APBB1IP: variants seen among roughly 807,000 people sequenced by gnomAD.
The protein encoded by APBB1IP is amyloid beta precursor protein binding family B member 1 interacting protein.
Under a neutral mutation model 64.9 loss-of-function variants are expected in APBB1IP, and 27 were observed. The observed-to-expected ratio is 0.42, with a 90% CI of 0.31 to 0.57. The LOEUF (loss-of-function observed/expected upper bound fraction) is 0.57. Among genes scored for constraint, APBB1IP ranks in the 20% least tolerant of loss-of-function variants. The pLI, the probability that APBB1IP is intolerant of heterozygous loss-of-function variation, is 0.20. For synonymous variants in APBB1IP, 392 were observed against 331.0 expected (o/e 1.18, Z -2.00); for missense variants, 812 against 845.5 (o/e 0.96, Z 0.49).
At chr10:26,545,423 G>C (rs1190644818) in intron 11 of APBB1IP, among the ~76,000 whole-genome samples, 1 of 152,158 alleles carries the variant, frequency 6.6e-6, no homozygotes, top group East Asian at 1.9e-4. Flanking sequence ...TCAGAAGTTT[G>C]AGACCACCCT....
In APBB1IP at chr10:26,506,995, C is replaced by G. The variant is rs766867082; in HGVS notation, c.531+3721C>G. Among the ~76,000 whole-genome samples, 3 of 152,054 alleles carry G rather than the reference C, an allele frequency of 2.0e-5. No individual in the cohort carries two copies. The South Asian group carries it at 6.2e-4, about 32-fold the overall frequency. On this transcript the variant is annotated intron_variant, in intron 6 of 14. Coordinates refer to ENST00000376236, the MANE Select transcript of APBB1IP (RefSeq NM_019043.4). Reference sequence around the variant, plus strand: ...GTGTGGTGCTGGGGGGCATTCCCGGCAGAGGGAACAGAGAGAGAAATATGC... The same window carrying G: ...GTGTGGTGCTGGGGGGCATTCCCGGGAGAGGGAACAGAGAGAGAAATATGC...
At chr10:26,455,441 T>C (rs1443462060) in intron 2 of APBB1IP, among the ~76,000 whole-genome samples, 2 of 151,748 alleles carry the variant, frequency 1.3e-5, no homozygotes, top group African/African-American at 4.8e-5. Context: ...GGCAGGAGAA[T>C]TGCTTGAACC....
chr10:26,461,277 A>G (rs899305531), intron 2 of APBB1IP, among the ~76,000 whole-genome samples: 6 of 152,204 alleles, frequency 3.9e-5, no homozygotes, highest in African/African-American at 1.2e-4. Flanking sequence ...TCATAATTCA[A>G]CAAGAATTTC....
intron 2 of APBB1IP, among the ~76,000 whole-genome samples, chr10:26,468,247 G>A (rs1164147491): frequency 1.3e-5 from 2 of 152,020 alleles, no homozygotes; most frequent in Non-Finnish European, 2.9e-5. Context: ...CTCTTCTTTG[G>A]CTCCTTATTA....
At chr10:26,464,550 G>A (rs1835627617) in intron 2 of APBB1IP, among the ~76,000 whole-genome samples, 2 of 152,094 alleles carry the variant, frequency 1.3e-5, no homozygotes, top group South Asian at 2.1e-4. Context: ...ACAGGAACAC[G>A]ATACCATGCC....
chr10:26,524,781 A>G (rs1358654929), intron 8 of APBB1IP, among the ~76,000 whole-genome samples: 1 of 152,024 alleles, frequency 6.6e-6, no homozygotes, highest in African/African-American at 2.4e-5. Context: ...CTTATGTGAT[A>G]CTATAACAGA....
At chr10:26,565,928 T>C (rs900223767) in intron 14 of APBB1IP, among the ~76,000 whole-genome samples, 2 of 152,122 alleles carry the variant, frequency 1.3e-5, no homozygotes, top group African/African-American at 4.8e-5. Context: ...AATGGTCATA[T>C]AAATCTTTAA....
chr10:26,499,971 G>A (rs1438903552), intron 4 of APBB1IP, among the ~76,000 whole-genome samples: 3 of 152,132 alleles, frequency 2.0e-5, no homozygotes, highest in African/African-American at 7.2e-5. Flanking sequence ...AGCACTTTGG[G>A]AGGCTGAGGT....
chr10:26,529,988 G>A lies in APBB1IP; in HGVS notation c.814-3451G>A, dbSNP rs138114503. Among the ~76,000 whole-genome samples the A allele has an allele frequency of 4.0e-3, 610 of 152,182 alleles. 3 individuals are homozygous for A. Among genetic ancestry groups the A allele is most frequent in the African/African-American group, 0.014 (590 of 41,532 alleles). On this transcript the variant is annotated intron_variant, in intron 8 of 14. Coordinates refer to ENST00000376236, the MANE Select transcript of APBB1IP (RefSeq NM_019043.4). ...TGTTCATGCTTCCAGTTCATCATAC[G>A]TGATTCAAATATCTGGCCTTCCTAA...
chr10:26,472,626 G>A (rs991922686), intron 2 of APBB1IP, among the ~76,000 whole-genome samples: 1 of 151,760 alleles, frequency 6.6e-6, no homozygotes. Context: ...CATGAGAGAT[G>A]ATGCATTAAA....
In APBB1IP at chr10:26,567,171, C is replaced by T. The variant is rs1177941423; in HGVS notation, c.1684C>T (p.Pro562Ser). ...DFLPPPPPPPPLDDPELPPPP... is the reference protein window; with the variant it reads ...DFLPPPPPPPSLDDPELPPPP... The stretch of plus-strand genomic sequence containing the variant: ...CCTGCCGCCGCCGCCACCGCCGCCG[C>T]CCCTCGATGACCCTGAGCTCCCGCC... The change falls in exon 15 of 15, where the codon CCC (proline) becomes TCC (serine). Residue 562 changes from proline to serine, a missense_variant. By Grantham distance (74) the Pro-to-Ser change is moderately conservative. Coordinates refer to ENST00000376236, the MANE Select transcript of APBB1IP (RefSeq NM_019043.4). 6 of 1,419,674 alleles carry T rather than the reference C, an allele frequency of 4.2e-6. No homozygotes were observed. Among genetic ancestry groups the T allele is most frequent in the South Asian group, 4.2e-5 (3 of 71,734 alleles). The allele number at this position is 1,419,674 out of a possible 1,614,324, so 87.9% of individuals were successfully genotyped here. A position where few individuals can be genotyped will look rare whatever the true frequency, so the allele number is the denominator to read the frequency against.
rs1837056717 is a variant in APBB1IP, at chr10:26,567,098, G to T, written c.1611G>T (p.Lys537Asn). 1.4e-6 allele frequency: 2 copies of T among 1,457,602 alleles called. No homozygotes were observed. Among genetic ancestry groups the T allele is most frequent in the Non-Finnish European group, 8.9e-7 (1 of 1,119,736 alleles). The allele number at this position is 1,457,602 out of a possible 1,614,324, so 90.3% of individuals were successfully genotyped here. A position where few individuals can be genotyped will look rare whatever the true frequency, so the allele number is the denominator to read the frequency against. ...GCGGCAGTCCCGCCACGCCCCTCAA[G>T]GCCAAGGGCACAGGCGGCGGGGGCT... is the stretch of plus-strand genomic sequence containing the variant. ...DTSGSPATPL[K>N]AKGTGGGGLP... is the part of the protein sequence containing the mutation. Residue 537 changes from lysine (K) to asparagine (N), a missense_variant, in exon 15 of 15, where the codon AAG (lysine) becomes AAT (asparagine). Lys to Asn is a moderately conservative substitution (Grantham distance 94). Transcript: ENST00000376236.
chr10:26,493,993 C>T (rs1304151411), intron 3 of APBB1IP, among the ~76,000 whole-genome samples: 1 of 152,124 alleles, frequency 6.6e-6, no homozygotes, highest in Non-Finnish European at 1.5e-5. Context: ...CACGCCACCA[C>T]ACCCAGCTAA....
chr10:26,552,317 G>A (rs1300306639), intron 11 of APBB1IP, among the ~76,000 whole-genome samples: 1 of 152,058 alleles, frequency 6.6e-6, no homozygotes, highest in African/African-American at 2.4e-5. Context: ...TGCTTAATTA[G>A]CTGGGCACTG....
chr10:26,477,087 C>A (rs982113828), intron 2 of APBB1IP, among the ~76,000 whole-genome samples: 2 of 152,188 alleles, frequency 1.3e-5, no homozygotes, highest in African/African-American at 4.8e-5. Context: ...AGGTGTGAAC[C>A]ACCGTACCCA....
intron 2 of APBB1IP, among the ~76,000 whole-genome samples, chr10:26,477,715 A>G (rs1192135545): frequency 6.6e-6 from 1 of 152,164 alleles, no homozygotes; most frequent in Non-Finnish European, 1.5e-5. Flanking sequence ...GCCCCTGTGG[A>G]GCTTGAGTGA....
At chr10:26,513,289 A>G (rs1044726599) in intron 7 of APBB1IP, among the ~76,000 whole-genome samples, 3 of 152,230 alleles carry the variant, frequency 2.0e-5, no homozygotes, top group African/African-American at 7.2e-5. Flanking sequence ...AAAAAAAGAA[A>G]TAAGTGTGAC....
intron 2 of APBB1IP, among the ~76,000 whole-genome samples, chr10:26,469,992 C>G (rs1835697618): frequency 6.6e-6 from 1 of 152,152 alleles, no homozygotes; most frequent in Admixed American, 6.5e-5. Flanking sequence ...CAACCAACTA[C>G]AACACAGGGG....
chr10:26,541,484 T>C (rs1836696310), intron 10 of APBB1IP, 98 bp from the exon 11 acceptor site: 10 of 767,376 alleles, frequency 1.3e-5, no homozygotes, highest in Non-Finnish European at 2.1e-5. Flanking sequence ...ATATTTTCTT[T>C]ACTAAAATAT....
Sources: gnomAD v4.1 joint callset for allele counts (sites outside exome capture counted in the v4.1 genomes callset) on GRCh38, gnomAD v4.1.1 for gene constraint, MANE v1.5 for transcripts, NCBI Gene and HGNC (gene_info 2026-07-23, HGNC 2026-07-21) for gene names.